Variants in UHMK1 observed in about 807,000 individuals in gnomAD.
UHMK1 encodes the protein serine/threonine-protein kinase Kist.
A neutral mutation model predicts 44.0 loss-of-function variants in UHMK1; 18 were observed. That is an observed-to-expected ratio of 0.41 (90% CI 0.28 to 0.61). The LOEUF (loss-of-function observed/expected upper bound fraction) is 0.61. Among genes scored for constraint, UHMK1 ranks in the 20% least tolerant of loss-of-function variants. UHMK1 has a pLI of 0.31. For missense variants in UHMK1, 463 were observed against 522.5 expected, an observed-to-expected ratio of 0.89 and a Z score of 1.11; for synonymous variants, 231 against 198.5, an observed-to-expected ratio of 1.16 and a Z score of -1.38.
rs886258406 is a variant in UHMK1, at chr1:162,527,010, G to A, written c.*4460G>A. 18 of 152,042 alleles carry A rather than the reference G, an allele frequency of 1.2e-4. No individual in the cohort carries two copies. The highest frequency in any genetic ancestry group is 2.9e-4 in the African/African-American group (12 of 41,428). 9.4% of individuals were successfully genotyped at this position (152,042 alleles called of 1,614,324 possible). A position where few individuals can be genotyped will look rare whatever the true frequency, so the allele number is the denominator to read the frequency against. On this transcript the variant is annotated 3_prime_UTR_variant, in exon 8 of 8. Transcript: ENST00000489294. The stretch of plus-strand genomic sequence containing the variant: ...TTTGAGATGGTAGTTTTTCAAGTTA[G>A]TATTACTTACTAGCTTTCTTGATGA...
Position 162,522,392 on chromosome 1 carries a change from G to C in UHMK1, c.1114-12G>C. ...GTGGAAATGAAATGTTTTTTTCTCT[G>C]TCTTCTTTCAGGTCTTTGTTGAGTA... On this transcript the variant is annotated splice_polypyrimidine_tract_variant and intron_variant, in intron 7 of 7. Transcript: ENST00000489294. 6.2e-7 allele frequency: 1 copy of C among 1,612,282 alleles called. No homozygotes were observed. The highest frequency in any genetic ancestry group is 8.5e-7 in the Non-Finnish European group (1 of 1,179,478).
At chr1:162,519,184 G>A (rs902818421) in intron 7 of UHMK1, among the ~76,000 whole-genome samples, 2 of 151,980 alleles carry the variant, frequency 1.3e-5, no homozygotes, top group South Asian at 2.1e-4. Context: ...CAGATGTGGT[G>A]GCAGGTGCCT....
In UHMK1 at chr1:162,497,851, G is replaced by A. The variant is rs1651105866; in HGVS notation, c.-150G>A. 7 of 1,372,688 alleles carry A rather than the reference G, an allele frequency of 5.1e-6. No individual in the cohort carries two copies. Among genetic ancestry groups the A allele is most frequent in the Non-Finnish European group, 6.6e-6 (7 of 1,068,478 alleles). 85.0% of individuals were successfully genotyped at this position (1,372,688 alleles called of 1,614,324 possible). A position where few individuals can be genotyped will look rare whatever the true frequency, so the allele number is the denominator to read the frequency against. On this transcript the variant is annotated 5_prime_UTR_variant, in exon 1 of 8. An upstream start codon of the reference 5' UTR is lost. Transcript: ENST00000489294. ...GGTGCACCACGGCTTCCGGTGTCAT[G>A]GCTGCTTGAAGTCCCGGGAGTCGGT...
chr1:162,512,788 A>T lies in UHMK1; in HGVS notation c.989A>T (p.Asp330Val). The change falls in exon 6 of 8, where the codon GAT becomes GTT. Residue 330 changes from aspartate (D) to valine (V), a missense_variant. Physicochemically the swap from Asp to Val is radical, Grantham distance 152. This residue lies in a region of UHMK1 where 264 missense variants were observed against 326.3 expected (regional missense o/e 0.81). Transcript: ENST00000489294. ...TPVLRLLNVL[D>V]DDYLENEEEY... ...GTGCTAAGACTGCTGAATGTGCTGG[A>T]TGATGATTATCTTGAGAATGAAGAG... 1.2e-6 allele frequency: 2 copies of T among 1,614,136 alleles called. No homozygotes were observed. Among genetic ancestry groups the T allele is most frequent in the Non-Finnish European group, 1.7e-6 (2 of 1,180,024 alleles).
chr1:162,497,785 G>T (rs1210928352), upstream of UHMK1: 2 of 1,330,684 alleles, frequency 1.5e-6, no homozygotes, highest in South Asian at 2.0e-5. Flanking sequence ...CCTTCGGCCT[G>T]TATGATAGGC....
chr1:162,511,340 AT>A (rs1651663642), intron 4 of UHMK1, among the ~76,000 whole-genome samples: 1 of 119,380 alleles, frequency 8.4e-6, no homozygotes, highest in African/African-American at 3.1e-5. Flanking sequence ...TAATTTTTAA[AT>A]TTTTTTGTAG....
At position 162,528,614 on chromosome 1, in the gene UHMK1, TATGC is replaced by T. The variant is rs1557950996; in HGVS notation, c.*6066_*6069del. On this transcript the variant is annotated 3_prime_UTR_variant, in exon 8 of 8. Transcript: ENST00000489294. The stretch of plus-strand genomic sequence containing the variant: ...CATTGGGTACAGTGGGTGGCATTAG[TATGC>T]ACTAGCTGCAAAGTCACAGCACCTT... 6.6e-6 allele frequency: 1 copy of T among 152,058 alleles called. No individual in the cohort carries two copies. The allele number at this position is 152,058 out of a possible 1,614,324, so 9.4% of individuals were successfully genotyped here.
chr1:162,515,512 TG>T (rs1651803874), intron 6 of UHMK1, among the ~76,000 whole-genome samples: 1 of 152,310 alleles, frequency 6.6e-6, no homozygotes, highest in Admixed American at 6.5e-5. Context: ...GTGAGAGAAC[TG>T]TAATTTCTTT....
chr1:162,522,494 A>G lies in UHMK1; in HGVS notation c.1204A>G (p.Thr402Ala). 1 of 1,614,172 alleles carries G rather than the reference A, an allele frequency of 6.2e-7. No individual in the cohort carries two copies. The highest frequency in any genetic ancestry group is 8.5e-7 in the Non-Finnish European group (1 of 1,180,020). Residue 402 changes from threonine to alanine, a missense_variant, in exon 8 of 8, where the codon ACA (threonine) becomes GCA (alanine). By Grantham distance (58) the Thr-to-Ala change is moderately conservative. Transcript: ENST00000489294. ...RMFDGKFVVATFYPLSAYKRG... is the reference protein window; with the variant it reads ...RMFDGKFVVAAFYPLSAYKRG... ...GTTTGATGGGAAGTTTGTTGTGGCT[A>G]CATTCTACCCGCTGAGTGCCTACAA...
At chr1:162,522,145 A>G (rs1222538874) in intron 7 of UHMK1, among the ~76,000 whole-genome samples, 3 of 152,174 alleles carry the variant, frequency 2.0e-5, no homozygotes, top group Non-Finnish European at 4.4e-5. Context: ...TGTCCTTGAG[A>G]GATTTTTCAA....
rs981194219 is a variant in UHMK1 at position 162,523,720 on chromosome 1, T to A, written c.*1170T>A. The A allele has an allele frequency of 6.6e-6, 1 of 152,102 alleles. No individual in the cohort carries two copies. Among genetic ancestry groups the A allele is most frequent in the Non-Finnish European group, 1.5e-5 (1 of 68,030 alleles). 9.4% of individuals were successfully genotyped at this position (152,102 alleles called of 1,614,324 possible). A position where few individuals can be genotyped will look rare whatever the true frequency, so the allele number is the denominator to read the frequency against. On this transcript the variant is annotated 3_prime_UTR_variant, in exon 8 of 8. Coordinates refer to ENST00000489294, the MANE Select transcript of UHMK1 (RefSeq NM_175866.5). The stretch of plus-strand genomic sequence containing the variant: ...GTTTCTCGTATCCCTGCTCCCTTTT[T>A]CCTCCCCTTCCCTCATTCTTTGCCT...
At chr1:162,517,799 C>T (rs964731876) in intron 6 of UHMK1, among the ~76,000 whole-genome samples, 4 of 151,938 alleles carry the variant, frequency 2.6e-5, no homozygotes, top group African/African-American at 4.8e-5. Context: ...GGAGAAGAAT[C>T]GCTTGAACCC....
chr1:162,499,899 T>G (rs1349823838), intron 1 of UHMK1, 56 bp from the exon 2 acceptor site: 1 of 1,558,956 alleles, frequency 6.4e-7, no homozygotes, highest in Non-Finnish European at 8.8e-7. Flanking sequence ...GTTACCTACT[T>G]TAGTAGTGAC....
At chr1:162,522,315 A>G in intron 7 of UHMK1, 89 bp from the exon 8 acceptor site, 4 of 1,409,886 alleles carry the variant, frequency 2.8e-6, no homozygotes, top group Non-Finnish European at 3.9e-6. Context: ...TAACATCTCC[A>G]GTTGATGTAT....
At chr1:162,497,816 C>T (rs927834673), upstream of UHMK1, 12 of 1,332,900 alleles carry the variant, frequency 9.0e-6, 1 homozygote, top group South Asian at 1.5e-4. Context: ...TTTCCGGCTT[C>T]TGGGACTCGG....
chr1:162,520,081 C>A (rs764043130), intron 7 of UHMK1, among the ~76,000 whole-genome samples: 1 of 152,008 alleles, frequency 6.6e-6, no homozygotes, highest in Non-Finnish European at 1.5e-5. Flanking sequence ...TTTGTAGAAA[C>A]GAGGTTTTGC....
intron 4 of UHMK1, among the ~76,000 whole-genome samples, chr1:162,507,361 G>C (rs1460426021): frequency 6.6e-6 from 1 of 151,790 alleles, no homozygotes; most frequent in African/African-American, 2.4e-5. Flanking sequence ...CTCGTGATCC[G>C]CCTGCCTTGG....
chr1:162,512,580 A>G lies in UHMK1; in HGVS notation c.925+4A>G. On this transcript the variant is annotated splice_donor_region_variant and intron_variant, in intron 5 of 7. Coordinates refer to ENST00000489294, the MANE Select transcript of UHMK1 (RefSeq NM_175866.5). ...CCATTCTTTAGCATTCCTTTTGGTA[A>G]GTTGTGTATTCTTTTATTTTTTTCT... is the stretch of plus-strand genomic sequence containing the variant. The G allele has an allele frequency of 6.2e-7, 1 of 1,609,318 alleles. No homozygotes were observed. The highest frequency in any genetic ancestry group is 1.3e-5 in the African/African-American group (1 of 74,666).
rs1472092107 is a variant in UHMK1 at position 162,497,879 on chromosome 1, G to A, written c.-122G>A. On this transcript the variant is annotated 5_prime_UTR_variant, in exon 1 of 8. Transcript: ENST00000489294. ...TGCTTGAAGTCCCGGGAGTCGGTGAGGCGGCTGCAGGTCCCTCCCTGCGGA... is the reference window on the plus strand; with the variant it reads ...TGCTTGAAGTCCCGGGAGTCGGTGAAGCGGCTGCAGGTCCCTCCCTGCGGA... 7.1e-7 allele frequency: 1 copy of A among 1,401,142 alleles called. No individual in the cohort carries two copies. Among genetic ancestry groups the A allele is most frequent in the Non-Finnish European group, 9.2e-7 (1 of 1,083,566 alleles). 86.8% of individuals were successfully genotyped at this position (1,401,142 alleles called of 1,614,324 possible). A position where few individuals can be genotyped will look rare whatever the true frequency, so the allele number is the denominator to read the frequency against.
Sources: allele counts gnomAD v4.1 joint callset (sites outside exome capture counted in the v4.1 genomes callset), GRCh38; gene constraint gnomAD v4.1.1; regional missense constraint gnomAD v4.1.1; transcripts MANE v1.5; gene names NCBI Gene and HGNC (gene_info 2026-07-23, HGNC 2026-07-21).